Variants in RHCE observed in about 807,000 individuals in gnomAD.
RHCE encodes the protein Rh blood group CcEe antigens.
In RHCE, 22 loss-of-function variants were observed where a neutral mutation model predicts 43.8. That is an observed-to-expected ratio of 0.50 (90% CI 0.36 to 0.72). The LOEUF (loss-of-function observed/expected upper bound fraction) is 0.72. Among genes scored for constraint, RHCE ranks in the 30% least tolerant of loss-of-function variants. The probability of loss-of-function intolerance (pLI) is 0.00; values close to 1 mark genes in which losing one functional copy is unlikely to be tolerated. For missense variants in RHCE, 385 were observed against 525.4 expected (o/e 0.73, Z 2.61); for synonymous variants, 156 against 210.7 (o/e 0.74, Z 2.25).
rs777819701 is a variant in RHCE at position 25,402,726 on chromosome 1, C to T, written c.356G>A (p.Ser119Asn). ...TLFSIRLATMSAMSVLISAGA... is the reference protein window; with the variant it reads ...TLFSIRLATMNAMSVLISAGA... ...CGCTGAGATCAGCACCGACATAGCA[C>T]TCATGGTGGCCAGCCGAATACTGGG... The change falls in exon 3 of 10, where the codon AGT (serine) becomes AAT (asparagine). Residue 119 changes from serine (S) to asparagine (N), a missense_variant. By Grantham distance (46) the Ser-to-Asn change is conservative (BLOSUM62 1). Coordinates refer to ENST00000294413, the MANE Select transcript of RHCE (RefSeq NM_020485.8). 5.0e-6 allele frequency: 8 copies of T among 1,614,070 alleles called. No individual in the cohort carries two copies. In the African/African-American group the frequency reaches 9.3e-5, roughly 19 times the overall value.
At chr1:25,419,696 G>A (rs2042715440) in intron 1 of RHCE, 1 of 147,154 alleles carries the variant, frequency 6.8e-6, no homozygotes, top group African/African-American at 2.5e-5. Context: ...ATCACAGTCT[G>A]GGAATATTTT....
intron 8 of RHCE, among the ~76,000 whole-genome samples, chr1:25,374,087 C>A (rs1645706654): frequency 6.6e-6 from 1 of 150,982 alleles, no homozygotes; most frequent in African/African-American, 2.5e-5. Context: ...TCCCAAAGTG[C>A]TGGGATTACA....
rs375864399 is a variant in RHCE at position 25,390,727 on chromosome 1, C to T, written c.801+22G>A. 1.9e-6 allele frequency: 3 copies of T among 1,614,016 alleles called. No homozygotes were observed. The African/African-American group carries it at 4.0e-5, about 22-fold the overall frequency. ...TAGTCCTGTTAGACCCAAGTGCTGC[C>T]CAAGGGCAGCGCCCTGCTCACCATG... On this transcript the variant is annotated intron_variant, in intron 5 of 9. Transcript: ENST00000294413.
At chr1:25,376,282 C>T (rs2124340856) in intron 7 of RHCE, among the ~76,000 whole-genome samples, 1 of 152,234 alleles carries the variant, frequency 6.6e-6, no homozygotes, top group South Asian at 2.1e-4. Flanking sequence ...TACGGGGGCC[C>T]CTGGATGCTG....
intron 6 of RHCE, among the ~76,000 whole-genome samples, chr1:25,386,842 A>AAAACACACACACACAC (rs1557613133): frequency 2.2e-5 from 3 of 138,892 alleles, no homozygotes; most frequent in African/African-American, 8.2e-5. Flanking sequence ...ACAACAACAA[A>AAAACACACACACACAC]ACACACACAC....
chr1:25,385,495 T>C (rs652077), intron 7 of RHCE: 28 of 702,750 alleles, frequency 4.0e-5, no homozygotes, highest in South Asian at 8.9e-5. Flanking sequence ...ACCTAGGTGG[T>C]CCTATTTGGA....
chr1:25,370,673 C>T, intron 8 of RHCE, 133 bp from the exon 9 acceptor site: 1 of 726,656 alleles, frequency 1.4e-6, no homozygotes, highest in Non-Finnish European at 2.4e-6. Context: ...AATTGAAAGA[C>T]AAATAAATGG....
chr1:25,386,692 G>T (rs1346455372), intron 6 of RHCE, among the ~76,000 whole-genome samples: 11 of 152,160 alleles, frequency 7.2e-5, no homozygotes, highest in Non-Finnish European at 1.6e-4. Context: ...CGTGGTGGAG[G>T]GCGCCTGTAG....
intron 7 of RHCE, among the ~76,000 whole-genome samples, chr1:25,385,100 G>C (rs1017561402): frequency 2.0e-5 from 3 of 152,138 alleles, no homozygotes; most frequent in Admixed American, 6.5e-5. Context: ...GTGTCAAACT[G>C]ACCATTGCTG....
Position 25,420,802 on chromosome 1 carries a change from G to T in RHCE, c.-16C>A. The T allele has an allele frequency of 6.2e-7, 1 of 1,607,256 alleles. No individual in the cohort carries two copies. The highest frequency in any genetic ancestry group is 1.1e-5 in the South Asian group (1 of 90,672). ...TAGAGCTCATCCTGTGTCCGTCTCTGTGCAGGGGTTCCACCAGCACCAGGC... is the reference window on the plus strand; with the variant it reads ...TAGAGCTCATCCTGTGTCCGTCTCTTTGCAGGGGTTCCACCAGCACCAGGC... On this transcript the variant is annotated 5_prime_UTR_variant, in exon 1 of 10. Transcript: ENST00000294413.
chr1:25,371,391 A>G (rs1245551199), intron 8 of RHCE, among the ~76,000 whole-genome samples: 3 of 150,892 alleles, frequency 2.0e-5, no homozygotes, highest in Admixed American at 6.6e-5. Flanking sequence ...TTATTTTTGG[A>G]ACAGGGTCTC....
intron 6 of RHCE, among the ~76,000 whole-genome samples, chr1:25,387,970 G>A (rs1299998109): frequency 2.6e-5 from 4 of 151,938 alleles, no homozygotes; most frequent in Non-Finnish European, 5.9e-5. Flanking sequence ...ACAGGTGCCC[G>A]CCACCACGCC....
At chr1:25,430,093 C>A (rs897815886) in exon 1 of RHCE, 1 of 151,840 alleles carries the variant, frequency 6.6e-6, no homozygotes, top group Non-Finnish European at 1.5e-5. Flanking sequence ...CGCGGTAGTG[C>A]CCTCGCGGGT....
Position 25,385,692 on chromosome 1 carries a change from G to C in RHCE, c.1073+19C>G. 1 of 1,613,912 alleles carries C rather than the reference G, an allele frequency of 6.2e-7. No individual in the cohort carries two copies. The highest frequency in any genetic ancestry group is 8.5e-7 in the Non-Finnish European group (1 of 1,179,966). On this transcript the variant is annotated intron_variant, in intron 7 of 9. Transcript: ENST00000294413. ...GGAGGGGAGTGTTAAGGGGATGGGGGGTAAGCCCAGTGACCCACATGCCAT... is the reference window on the plus strand; with the variant it reads ...GGAGGGGAGTGTTAAGGGGATGGGGCGTAAGCCCAGTGACCCACATGCCAT...
At chr1:25,426,576 A>C (rs989660991) in intron 2 of RHCE, among the ~76,000 whole-genome samples, 2 of 152,164 alleles carry the variant, frequency 1.3e-5, no homozygotes, top group African/African-American at 2.4e-5. Context: ...TCTCTATCTC[A>C]TAGGATTGTT....
intron 9 of RHCE, among the ~76,000 whole-genome samples, chr1:25,367,922 T>C (rs781195120): frequency 0.011 from 1,498 of 142,484 alleles, 15 homozygotes; most frequent in African/African-American, 0.029. Context: ...CTACAGTGAG[T>C]CATGATGGTG....
At chr1:25,403,763 C>T (rs1222307162) in intron 2 of RHCE, among the ~76,000 whole-genome samples, 1 of 151,524 alleles carries the variant, frequency 6.6e-6, no homozygotes, top group Non-Finnish European at 1.5e-5. Context: ...TCCCTCCTCC[C>T]TCTGGGAGTT....
chr1:25,371,747 T>A (rs1181027289), intron 8 of RHCE, among the ~76,000 whole-genome samples: 2 of 151,452 alleles, frequency 1.3e-5, no homozygotes, highest in East Asian at 3.9e-4. Flanking sequence ...CTGGCTGAAT[T>A]TCACAGGACA....
intron 4 of RHCE, among the ~76,000 whole-genome samples, chr1:25,391,188 T>C (rs1646350001): frequency 1.3e-5 from 2 of 152,136 alleles, no homozygotes; most frequent in South Asian, 4.1e-4. Context: ...TTTTAATTTT[T>C]TTTTCTTTTT....
Sources: gnomAD v4.1 joint callset for allele counts (sites outside exome capture counted in the v4.1 genomes callset) on GRCh38, gnomAD v4.1.1 for gene constraint, MANE v1.5 for transcripts, NCBI Gene and HGNC (gene_info 2026-07-23, HGNC 2026-07-21) for gene names.